The following SAMD12 variants were observed in gnomAD, a reference collection of about 807,000 sequenced individuals.
SAMD12 encodes the protein sterile alpha motif domain-containing protein 12.
SAMD12 carries 9 observed loss-of-function variants against 15.0 expected under a neutral mutation model. The observed-to-expected ratio is 0.60, with a 90% CI of 0.36 to 1.05. The LOEUF (loss-of-function observed/expected upper bound fraction) is 1.05, where lower values mean the gene tolerates loss of function less well. Ranked by LOEUF, SAMD12 falls within the 50% of genes least tolerant of loss-of-function variation. SAMD12 has a pLI of 0.01. For synonymous variants in SAMD12, 86 were observed against 90.1 expected (o/e 0.96, Z 0.25); for missense variants, 230 against 234.2 (o/e 0.98, Z 0.12).
chr8:118,464,653 T>A (rs753918854), intron 2 of SAMD12, among the ~76,000 whole-genome samples: 1 of 152,188 alleles, frequency 6.6e-6, no homozygotes, highest in Non-Finnish European at 1.5e-5. Flanking sequence ...TGTTATTATT[T>A]GGTTTATTTT....
At chr8:118,495,223 T>A (rs4077412) in intron 2 of SAMD12, among the ~76,000 whole-genome samples, 9,840 of 152,234 alleles carry the variant, frequency 0.065, 640 homozygotes, top group African/African-American at 0.16. Context: ...GTCATCAGAT[T>A]GTCATGGGAC....
intron 2 of SAMD12, among the ~76,000 whole-genome samples, chr8:118,460,714 G>C (rs1280001935): frequency 6.6e-6 from 1 of 152,180 alleles, no homozygotes; most frequent in Non-Finnish European, 1.5e-5. Flanking sequence ...GGCGGAAAAA[G>C]CTGGAGTAGA....
chr8:118,531,303 C>T (rs1825678679), intron 2 of SAMD12, among the ~76,000 whole-genome samples: 1 of 152,148 alleles, frequency 6.6e-6, no homozygotes, highest in African/African-American at 2.4e-5. Context: ...TGTTTTGGTA[C>T]CAGTACTATG....
intron 2 of SAMD12, among the ~76,000 whole-genome samples, chr8:118,557,406 A>G (rs1385030764): frequency 6.6e-6 from 1 of 152,210 alleles, no homozygotes; most frequent in African/African-American, 2.4e-5. Context: ...GTATCTTTAT[A>G]GCTGTGTGAG....
At chr8:118,544,683 G>C (rs1192683638) in intron 2 of SAMD12, among the ~76,000 whole-genome samples, 3 of 152,172 alleles carry the variant, frequency 2.0e-5, no homozygotes, top group Non-Finnish European at 4.4e-5. Context: ...GCAAGCAGAG[G>C]TGTCTGGCTT....
At chr8:118,327,941 G>A (rs548923995) in intron 4 of SAMD12, among the ~76,000 whole-genome samples, 2 of 152,324 alleles carry the variant, frequency 1.3e-5, no homozygotes, top group South Asian at 4.1e-4. Context: ...TCTTCAAAAT[G>A]CAGACTGTGG....
exon 5 of SAMD12, chr8:118,197,426 T>G: frequency 1.9e-6 from 1 of 534,344 alleles, no homozygotes; most frequent in South Asian, 2.6e-5. Flanking sequence ...ACTTGAGTTA[T>G]GCACAGTGAT....
At chr8:118,254,394 G>A (rs184892436) in intron 4 of SAMD12, among the ~76,000 whole-genome samples, 130 of 152,218 alleles carry the variant, frequency 8.5e-4, no homozygotes, top group Middle Eastern at 3.4e-3. Flanking sequence ...TGCTGGAAAC[G>A]AGAAAGTTCC....
intron 4 of SAMD12, among the ~76,000 whole-genome samples, chr8:118,321,720 C>A (rs1411516885): frequency 6.6e-6 from 1 of 152,104 alleles, no homozygotes; most frequent in Non-Finnish European, 1.5e-5. Flanking sequence ...AACTTTGGAG[C>A]TACACTCCTT....
intron 3 of SAMD12, among the ~76,000 whole-genome samples, chr8:118,383,044 C>T (rs189932920): frequency 4.4e-4 from 67 of 152,162 alleles, no homozygotes; most frequent in Middle Eastern, 3.4e-3. Context: ...ACAAAATGAA[C>T]GAACATCCAA....
chr8:118,423,925 C>A (rs1016354506), intron 3 of SAMD12, among the ~76,000 whole-genome samples: 1 of 152,066 alleles, frequency 6.6e-6, no homozygotes, highest in Non-Finnish European at 1.5e-5. Flanking sequence ...TGGTTTTCCC[C>A]AACATGATGA....
At chr8:118,540,707 A>AAAG (rs1276588173) in intron 2 of SAMD12, among the ~76,000 whole-genome samples, 1 of 152,096 alleles carries the variant, frequency 6.6e-6, no homozygotes, top group Non-Finnish European at 1.5e-5. Flanking sequence ...CCATAAAAAA[A>AAAG]AAATGCCACA....
chr8:118,496,451 A>G (rs1466761913), intron 2 of SAMD12, among the ~76,000 whole-genome samples: 1 of 152,216 alleles, frequency 6.6e-6, no homozygotes, highest in East Asian at 1.9e-4. Flanking sequence ...GACAAAGTCA[A>G]CAATAACAAG....
At chr8:118,460,843 G>A (rs1823396187) in intron 2 of SAMD12, among the ~76,000 whole-genome samples, 2 of 152,152 alleles carry the variant, frequency 1.3e-5, no homozygotes, top group Non-Finnish European at 2.9e-5. Flanking sequence ...GGTGATGCAA[G>A]GATGAAACGG....
chr8:118,609,255 G>T (rs1460562288), intron 1 of SAMD12, among the ~76,000 whole-genome samples: 1 of 152,210 alleles, frequency 6.6e-6, no homozygotes, highest in Non-Finnish European at 1.5e-5. Flanking sequence ...TGGCCACCAT[G>T]CAGTTCAAAC....
chr8:118,271,015 T>C (rs1039302855), intron 4 of SAMD12, among the ~76,000 whole-genome samples: 4 of 152,182 alleles, frequency 2.6e-5, no homozygotes, highest in Admixed American at 2.6e-4. Context: ...GAAGTTATTA[T>C]GTCTCTTCTT....
At chr8:118,409,643 AG>A (rs1821306667) in intron 3 of SAMD12, among the ~76,000 whole-genome samples, 1 of 152,162 alleles carries the variant, frequency 6.6e-6, no homozygotes, top group Non-Finnish European at 1.5e-5. Context: ...CACAGGCTTA[AG>A]GTGAAGGCAG....
At chr8:118,197,460 C>A in exon 5 of SAMD12, 1 of 569,984 alleles carries the variant, frequency 1.8e-6, no homozygotes, top group Non-Finnish European at 3.1e-6. Context: ...AATTTTCCAG[C>A]TAATGGTCTG....
intron 4 of SAMD12, among the ~76,000 whole-genome samples, chr8:118,315,657 C>T (rs1383213221): frequency 1.3e-5 from 2 of 152,266 alleles, no homozygotes; most frequent in East Asian, 1.9e-4. Flanking sequence ...ATAAACCTCA[C>T]AGCATTTTAG....
Sources: gnomAD v4.1 joint callset for allele counts (sites outside exome capture counted in the v4.1 genomes callset) on GRCh38, gnomAD v4.1.1 for gene constraint, MANE v1.5 for transcripts, NCBI Gene and HGNC (gene_info 2026-07-23, HGNC 2026-07-21) for gene names.